Variants in DNAH12 observed in about 807,000 individuals in gnomAD.
The protein encoded by DNAH12 is axonemal beta dynein heavy chain 12.
Under a neutral mutation model 371.5 loss-of-function variants are expected in DNAH12, and 285 were observed. The ratio of observed to expected loss-of-function variants is 0.77; its 90% CI spans 0.70 to 0.85. The LOEUF (loss-of-function observed/expected upper bound fraction) is 0.85. Among genes scored for constraint, DNAH12 ranks in the 40% least tolerant of loss-of-function variants. The pLI, the probability that DNAH12 is intolerant of heterozygous loss-of-function variation, is 0.00. For synonymous variants in DNAH12, 1,200 were observed against 1,213.0 expected (o/e 0.99, Z 0.22); for missense variants, 3,611 against 3,689.4 (o/e 0.98, Z 0.55).
intron 59 of DNAH12, among the ~76,000 whole-genome samples, chr3:57,353,594 C>T (rs1453800944): frequency 7.2e-5 from 11 of 152,036 alleles, no homozygotes; most frequent in Admixed American, 7.2e-4. Context: ...AACAGACAGC[C>T]TACACAATGG....
rs760809223 is a variant in DNAH12, at chr3:57,314,566, A to G, written c.10590T>C (p.Phe3530=). 3.2e-6 allele frequency: 5 copies of G among 1,551,462 alleles called. No homozygotes were observed. The highest frequency in any genetic ancestry group is 4.4e-6 in the Non-Finnish European group (5 of 1,146,932). ...ATGGAATATTCCAACCAAGAGGACC[A>G]AATTTCTTTCTCTCTTGCACAAGGG... is the stretch of plus-strand genomic sequence containing the variant. The part of the protein sequence containing the change: ...FHALVQERKK[F]GPLGWNIPYG... The change falls in exon 66 of 74, where the codon TTT becomes TTC. Residue 3530 remains phenylalanine, a synonymous_variant. Coordinates refer to ENST00000495027, the MANE Select transcript of DNAH12 (RefSeq NM_001366028.2).
At chr3:57,483,992 T>G (rs371015334) in intron 12 of DNAH12, among the ~76,000 whole-genome samples, 86 of 147,464 alleles carry the variant, frequency 5.8e-4, no homozygotes, top group African/African-American at 2.1e-3. Context: ...TATAATTCAG[T>G]ATATACTATA....
chr3:57,369,253 CTG>C (rs2063118104), intron 55 of DNAH12, among the ~76,000 whole-genome samples: 1 of 141,160 alleles, frequency 7.1e-6, no homozygotes, highest in Non-Finnish European at 1.5e-5. Flanking sequence ...ATATATAAAA[CTG>C]TATTTAATTA....
At chr3:57,322,239 A>G in intron 65 of DNAH12, 104 bp downstream of exon 65, 1 of 1,244,408 alleles carries the variant, frequency 8.0e-7, no homozygotes, top group Non-Finnish European at 1.1e-6. Context: ...AGTTTTAAAA[A>G]CATTAAATAA....
At chr3:57,368,748 T>C (rs1322429574) in intron 55 of DNAH12, among the ~76,000 whole-genome samples, 1 of 152,148 alleles carries the variant, frequency 6.6e-6, no homozygotes, top group Non-Finnish European at 1.5e-5. Flanking sequence ...ATATCTGAGA[T>C]CTATTTAGGA....
At chr3:57,487,413 A>AG in intron 12 of DNAH12, among the ~76,000 whole-genome samples, 1 of 80,668 alleles carries the variant, frequency 1.2e-5, no homozygotes, top group African/African-American at 4.4e-5. Flanking sequence ...GAAAAAAAAG[A>AG]AAAAGAAAGA....
chr3:57,362,883 T>C (rs1360539045), intron 58 of DNAH12, among the ~76,000 whole-genome samples: 1 of 152,206 alleles, frequency 6.6e-6, no homozygotes, highest in Admixed American at 6.5e-5. Context: ...TTAGATCCCA[T>C]TTGTCTATTT....
At chr3:57,443,976 G>A (rs2065394576) in intron 29 of DNAH12, among the ~76,000 whole-genome samples, 1 of 152,092 alleles carries the variant, frequency 6.6e-6, no homozygotes, top group South Asian at 2.1e-4. Context: ...GGCCAAGTCT[G>A]GCAGATCACC....
intron 55 of DNAH12, among the ~76,000 whole-genome samples, chr3:57,371,187 A>C: frequency 6.6e-6 from 1 of 152,304 alleles, no homozygotes; most frequent in Non-Finnish European, 1.5e-5. Context: ...ACTGCAGCTG[A>C]AAGTAGATTT....
chr3:57,501,244 T>A (rs542961401), intron 11 of DNAH12, 77 bp downstream of exon 11: 2 of 1,058,096 alleles, frequency 1.9e-6, no homozygotes, highest in South Asian at 2.9e-5. Flanking sequence ...ATTTAAGCAT[T>A]TACTTTTTAG....
intron 60 of DNAH12, among the ~76,000 whole-genome samples, chr3:57,337,786 C>T (rs1523108): frequency 0.22 from 34,107 of 152,044 alleles, 4,484 homozygotes; most frequent in South Asian, 0.41. Flanking sequence ...TTGGAGACTT[C>T]AACACCCTAC....
intron 19 of DNAH12, among the ~76,000 whole-genome samples, chr3:57,460,472 T>C (rs2066024257): frequency 6.6e-6 from 1 of 152,202 alleles, no homozygotes; most frequent in Admixed American, 6.5e-5. Flanking sequence ...GTGCCTAAGG[T>C]CTATGTGTCA....
rs192909836 is a variant in DNAH12, at chr3:57,408,923, G to A, written c.6021-388C>T. Among the ~76,000 whole-genome samples, 52 of 152,154 alleles carry A rather than the reference G, an allele frequency of 3.4e-4. No homozygotes were observed. The East Asian group carries it at 9.7e-3, about 28-fold the overall frequency. On this transcript the variant is annotated intron_variant, in intron 39 of 73. Coordinates refer to ENST00000495027, the MANE Select transcript of DNAH12 (RefSeq NM_001366028.2). Reference sequence around the variant, plus strand: ...ATCTCATTTTACCTAGGACAATTCTGGCTTGTGCTTGTTGTACCGAAGTAA... The same window carrying A: ...ATCTCATTTTACCTAGGACAATTCTAGCTTGTGCTTGTTGTACCGAAGTAA...
chr3:57,441,664 C>T (rs534030990), intron 29 of DNAH12, among the ~76,000 whole-genome samples: 2 of 151,882 alleles, frequency 1.3e-5, no homozygotes, highest in East Asian at 1.9e-4. Context: ...TGGTGGCACG[C>T]GCCCATAATC....
rs1575682026 is a variant in DNAH12, at chr3:57,494,266, A to G, written c.1336-4579T>C. Among the ~76,000 whole-genome samples, 3 of 152,038 alleles carry G rather than the reference A, an allele frequency of 2.0e-5. No individual in the cohort carries two copies. The South Asian group carries it at 6.2e-4, about 32-fold the overall frequency. ...ACAAAACAAAACAAAAATGTGTACTACATTGGCTGGGCCCAGTGTCTCATG... is the reference window on the plus strand; with the variant it reads ...ACAAAACAAAACAAAAATGTGTACTGCATTGGCTGGGCCCAGTGTCTCATG... On this transcript the variant is annotated intron_variant, in intron 11 of 73. Transcript: ENST00000495027.
rs2153366454 is a variant in DNAH12, at chr3:57,433,688, GTAA to G, written c.4793_4795del (p.Ile1598del). On this transcript the variant is annotated inframe_deletion, in exon 31 of 74. Transcript: ENST00000495027. Reference sequence around the variant, plus strand: ...AAACTGTCCAAAAAGTTGGCCCATAGTAATAGATTTGGGGTTTACAGTTCTATA... The same window carrying G: ...AAACTGTCCAAAAAGTTGGCCCATAGTAGATTTGGGGTTTACAGTTCTATA... 1 of 1,550,886 alleles carries G rather than the reference GTAA, an allele frequency of 6.4e-7. No homozygotes were observed. The highest frequency in any genetic ancestry group is 1.4e-5 in the African/African-American group (1 of 73,144).
chr3:57,519,666 C>T (rs1347902959), intron 4 of DNAH12: 2 of 1,563,594 alleles, frequency 1.3e-6, no homozygotes, highest in Non-Finnish European at 1.8e-6. Flanking sequence ...CTTCTAACCG[C>T]TCTCATTTGC....
intron 12 of DNAH12, among the ~76,000 whole-genome samples, chr3:57,484,323 AT>A (rs2066855558): frequency 6.6e-6 from 1 of 152,186 alleles, no homozygotes; most frequent in Non-Finnish European, 1.5e-5. Flanking sequence ...AGAATATCCC[AT>A]GTAGGATATG....
chr3:57,446,704 A>C lies in DNAH12; in HGVS notation c.3787-15T>G. The C allele has an allele frequency of 6.8e-7, 1 of 1,476,558 alleles. No homozygotes were observed. Among genetic ancestry groups the C allele is most frequent in the Non-Finnish European group, 9.0e-7 (1 of 1,108,216 alleles). The allele number at this position is 1,476,558 out of a possible 1,614,324, so 91.5% of individuals were successfully genotyped here. A position where few individuals can be genotyped will look rare whatever the true frequency, so the allele number is the denominator to read the frequency against. On this transcript the variant is annotated splice_polypyrimidine_tract_variant and intron_variant, in intron 25 of 73. Coordinates refer to ENST00000495027, the MANE Select transcript of DNAH12 (RefSeq NM_001366028.2). ...AAAGCACCTATCTGAAATGAAAAAC[A>C]CATGTGAAAAGAAATCCATGCTTAA... is the stretch of plus-strand genomic sequence containing the variant.
Sources: allele counts gnomAD v4.1 joint callset (sites outside exome capture counted in the v4.1 genomes callset), GRCh38; gene constraint gnomAD v4.1.1; transcripts MANE v1.5; gene names NCBI Gene and HGNC (gene_info 2026-07-23, HGNC 2026-07-21).